Variants in PAPPA observed in about 807,000 individuals in gnomAD.
PAPPA encodes pappalysin-1.
A neutral mutation model predicts 164.0 loss-of-function variants in PAPPA; 60 were observed. That is an observed-to-expected ratio of 0.37 (90% CI 0.30 to 0.45). The LOEUF (loss-of-function observed/expected upper bound fraction) is 0.45. Ranked by LOEUF, PAPPA falls within the 20% of genes least tolerant of loss-of-function variation. The pLI, the probability that PAPPA is intolerant of heterozygous loss-of-function variation, is 1.00. For synonymous variants in PAPPA, 875 were observed against 814.1 expected, an observed-to-expected ratio of 1.07 and a Z score of -1.27; for missense variants, 1,782 against 2,087.3, an observed-to-expected ratio of 0.85 and a Z score of 2.85.
At chr9:116,339,974 A>G (rs1295758698) in intron 13 of PAPPA, among the ~76,000 whole-genome samples, 1 of 152,214 alleles carries the variant, frequency 6.6e-6, no homozygotes. Context: ...AGATAAGAAG[A>G]AAAGAAAAAC....
At chr9:116,303,819 C>A (rs943050856) in intron 10 of PAPPA, among the ~76,000 whole-genome samples, 1 of 152,190 alleles carries the variant, frequency 6.6e-6, no homozygotes, top group Admixed American at 6.5e-5. Context: ...AAAGATATGA[C>A]CTTCCTCTGG....
chr9:116,165,700 G>A (rs1181113848), intron 1 of PAPPA, among the ~76,000 whole-genome samples: 4 of 152,074 alleles, frequency 2.6e-5, no homozygotes, highest in African/African-American at 4.8e-5. Context: ...TCCCCCAAAT[G>A]CACCTGGTTC....
At chr9:116,227,066 G>A (rs770142011) in intron 5 of PAPPA, among the ~76,000 whole-genome samples, 10 of 152,204 alleles carry the variant, frequency 6.6e-5, no homozygotes, top group Non-Finnish European at 1.5e-4. Context: ...CTTTGAGAAC[G>A]AAATGGAGCA....
rs1847055363 is a variant in PAPPA at position 116,401,533 on chromosome 9, TATATAA to T, written c.*4926_*4931del. 1 of 150,874 alleles carries T rather than the reference TATATAA, an allele frequency of 6.6e-6. No individual in the cohort carries two copies. The highest frequency in any genetic ancestry group is 2.4e-5 in the African/African-American group (1 of 41,204). 9.3% of individuals were successfully genotyped at this position (150,874 alleles called of 1,614,324 possible). On this transcript the variant is annotated 3_prime_UTR_variant, in exon 22 of 22. Transcript: ENST00000328252. ...GATATCTATCTATATAAAGATATTA[TATATAA>T]ATATAAATTTACATATATATGCACA...
At chr9:116,340,136 CCTT>C (rs1249564289) in intron 13 of PAPPA, among the ~76,000 whole-genome samples, 1 of 152,084 alleles carries the variant, frequency 6.6e-6, no homozygotes, top group East Asian at 1.9e-4. Context: ...TCATTTTTTT[CCTT>C]CTTTTGTTAT....
intron 7 of PAPPA, among the ~76,000 whole-genome samples, chr9:116,241,668 A>T (rs1056891084): frequency 6.6e-6 from 1 of 152,226 alleles, no homozygotes; most frequent in African/African-American, 2.4e-5. Context: ...TCATGTGAAG[A>T]ATAAGTCAGC....
intron 3 of PAPPA, among the ~76,000 whole-genome samples, chr9:116,210,354 A>T (rs879903627): frequency 6.6e-6 from 1 of 152,152 alleles, no homozygotes; most frequent in Non-Finnish European, 1.5e-5. Flanking sequence ...CATAGACTCT[A>T]TGAGTCCCTT....
intron 3 of PAPPA, among the ~76,000 whole-genome samples, chr9:116,211,098 A>G (rs953606642): frequency 1.3e-5 from 2 of 152,226 alleles, no homozygotes; most frequent in African/African-American, 4.8e-5. Flanking sequence ...GCTGACCTTC[A>G]TTAGCGTTCA....
chr9:116,292,361 G>A (rs1207457981), intron 9 of PAPPA, among the ~76,000 whole-genome samples: 1 of 152,214 alleles, frequency 6.6e-6, no homozygotes, highest in Non-Finnish European at 1.5e-5. Context: ...GGCTGGTTAA[G>A]TGAGAATTGC....
At chr9:116,293,882 G>A (rs1845468761) in intron 9 of PAPPA, among the ~76,000 whole-genome samples, 2 of 152,252 alleles carry the variant, frequency 1.3e-5, no homozygotes, top group East Asian at 1.9e-4. Flanking sequence ...TTGAACCCAC[G>A]GAGGTTGCAG....
intron 17 of PAPPA, among the ~76,000 whole-genome samples, chr9:116,358,756 G>A (rs934536133): frequency 6.6e-6 from 1 of 152,140 alleles, no homozygotes; most frequent in African/African-American, 2.4e-5. Flanking sequence ...ATCCCACTGG[G>A]GTACAACAGC....
At chr9:116,255,202 T>C (rs1174593372) in intron 7 of PAPPA, among the ~76,000 whole-genome samples, 2 of 152,020 alleles carry the variant, frequency 1.3e-5, no homozygotes, top group Non-Finnish European at 2.9e-5. Context: ...CACTAGGGTG[T>C]GCCCATCCAA....
chr9:116,276,716 C>T (rs903885375), intron 9 of PAPPA, among the ~76,000 whole-genome samples: 20 of 152,198 alleles, frequency 1.3e-4, no homozygotes, highest in Admixed American at 4.6e-4. Context: ...TCCCTCCCTC[C>T]CCACTCCTCT....
At chr9:116,291,726 G>T (rs1845438725) in intron 9 of PAPPA, among the ~76,000 whole-genome samples, 1 of 151,878 alleles carries the variant, frequency 6.6e-6, no homozygotes, top group Admixed American at 6.6e-5. Context: ...TAGTTTTCTT[G>T]ACCCTAATGG....
chr9:116,302,433 T>C (rs1057322933), intron 9 of PAPPA, among the ~76,000 whole-genome samples: 3 of 152,126 alleles, frequency 2.0e-5, no homozygotes, highest in African/African-American at 7.2e-5. Flanking sequence ...TCTACTTCTA[T>C]GAGCTTCCCT....
chr9:116,363,140 C>G (rs909629498), intron 18 of PAPPA, among the ~76,000 whole-genome samples: 2 of 152,236 alleles, frequency 1.3e-5, no homozygotes, highest in African/African-American at 4.8e-5. Context: ...CAATAGCAGT[C>G]TGGTGCAGCT....
At chr9:116,179,806 C>T (rs1289159334) in intron 1 of PAPPA, among the ~76,000 whole-genome samples, 2 of 152,196 alleles carry the variant, frequency 1.3e-5, no homozygotes, top group Non-Finnish European at 2.9e-5. Flanking sequence ...TAGGATTGCT[C>T]TCTCAAGCAT....
At chr9:116,215,412 C>CA (rs1397393168) in intron 4 of PAPPA, among the ~76,000 whole-genome samples, 3 of 152,050 alleles carry the variant, frequency 2.0e-5, no homozygotes, top group South Asian at 2.1e-4. Context: ...TATGCATCCA[C>CA]AAAAAAGAAT....
At chr9:116,183,208 G>C (rs985290076) in intron 1 of PAPPA, among the ~76,000 whole-genome samples, 1 of 152,114 alleles carries the variant, frequency 6.6e-6, no homozygotes. Flanking sequence ...GAACAGCATT[G>C]TGTGTCCTGT....
Sources: gnomAD v4.1 joint callset for allele counts (sites outside exome capture counted in the v4.1 genomes callset) on GRCh38, gnomAD v4.1.1 for gene constraint, MANE v1.5 for transcripts, NCBI Gene and HGNC (gene_info 2026-07-23, HGNC 2026-07-21) for gene names.